LEKR1: variants seen among roughly 807,000 people sequenced by gnomAD.
The protein encoded by LEKR1 is leucine, glutamate and lysine rich 1, also known as protein LEKR1.
In LEKR1, 59 loss-of-function variants were observed where a neutral mutation model predicts 72.4. The ratio of observed to expected loss-of-function variants is 0.82; its 90% confidence interval spans 0.66 to 1.01. The LOEUF (loss-of-function observed/expected upper bound fraction) is 1.01, where lower values mean the gene tolerates loss of function less well. Among genes scored for constraint, LEKR1 ranks in the 50% least tolerant of loss-of-function variants. LEKR1 has a pLI of 0.00. For synonymous variants in LEKR1, 257 were observed against 263.2 expected, an observed-to-expected ratio of 0.98 and a Z score of 0.23; for missense variants, 728 against 759.2, an observed-to-expected ratio of 0.96 and a Z score of 0.48.
intron 6 of LEKR1, among the ~76,000 whole-genome samples, chr3:156,954,617 C>T (rs1727454910): frequency 6.6e-6 from 1 of 152,012 alleles, no homozygotes; most frequent in African/African-American, 2.4e-5. Context: ...AATAGGGAAT[C>T]CTTTCCCCAT....
chr3:156,999,100 G>A lies in LEKR1; in HGVS notation c.1109+5823G>A, dbSNP rs1445006729. Among the ~76,000 whole-genome samples the A allele has an allele frequency of 2.0e-5, 3 of 152,094 alleles. No individual in the cohort carries two copies. In the East Asian group the frequency reaches 5.8e-4, roughly 29 times the overall value. On this transcript the variant is annotated intron_variant, in intron 9 of 12. Coordinates refer to ENST00000356539, the MANE Select transcript of LEKR1 (RefSeq NM_001004316.3). ...TCCATCCTGCCGCCCTGTGAAGAAG[G>A]TGTCTGCTTCTCCTTTGCCTTACTC...
intron 3 of LEKR1, among the ~76,000 whole-genome samples, chr3:156,912,197 A>C (rs1723181164): frequency 6.6e-6 from 1 of 152,146 alleles, no homozygotes. Context: ...ACATAAATAA[A>C]TTGTATAATA....
rs116075910 is a variant in LEKR1, at chr3:157,021,627, A to G, written c.1204-3133A>G. Among the ~76,000 whole-genome samples the G allele has an allele frequency of 4.3e-3, 660 of 152,306 alleles. 2 individuals carry two copies. The highest frequency in any genetic ancestry group is 0.015 in the African/African-American group (636 of 41,582). ...ATATTCTCACTGTCTTAATTTGAGC[A>G]ATCAATCCGTATTTGGAAAGATGTC... On this transcript the variant is annotated intron_variant, in intron 10 of 12. Transcript: ENST00000356539.
rs80353633 is a variant in LEKR1, at chr3:157,039,995, T to G, written c.1669-5345T>G. On this transcript the variant is annotated intron_variant, in intron 12 of 12. Coordinates refer to ENST00000356539, the MANE Select transcript of LEKR1 (RefSeq NM_001004316.3). ...ACATGGGGAGGATCAAGAAAGCTTT[T>G]AGGGACAGGGACTATACCTAGGCTT... Among the ~76,000 whole-genome samples the G allele has an allele frequency of 4.2e-3, 645 of 152,258 alleles. 2 individuals are homozygous for G. Among genetic ancestry groups the G allele is most frequent in the African/African-American group, 0.015 (620 of 41,538 alleles).
chr3:156,869,273 A>G (rs1717645799), intron 3 of LEKR1, among the ~76,000 whole-genome samples: 1 of 152,106 alleles, frequency 6.6e-6, no homozygotes, highest in South Asian at 2.1e-4. Flanking sequence ...AGAAATCTCC[A>G]TACTGTTTTC....
intron 3 of LEKR1, among the ~76,000 whole-genome samples, chr3:156,919,048 A>G (rs924063690): frequency 6.6e-6 from 1 of 152,190 alleles, no homozygotes; most frequent in African/African-American, 2.4e-5. Context: ...AGTTCCCAAG[A>G]TAGCAGGTTG....
chr3:157,031,628 A>G (rs1364625140), intron 12 of LEKR1, among the ~76,000 whole-genome samples: 1 of 152,166 alleles, frequency 6.6e-6, no homozygotes, highest in African/African-American at 2.4e-5. Context: ...TAAAGTGAAA[A>G]GCACCACTTT....
At chr3:156,980,919 T>C (rs1264856000) in intron 7 of LEKR1, among the ~76,000 whole-genome samples, 1 of 152,242 alleles carries the variant, frequency 6.6e-6, no homozygotes, top group Non-Finnish European at 1.5e-5. Context: ...TGTATATTCA[T>C]GTTCTGCATA....
intron 10 of LEKR1, among the ~76,000 whole-genome samples, chr3:157,017,010 G>C (rs1600978): frequency 0.51 from 77,394 of 151,998 alleles, 22,710 homozygotes; most frequent in South Asian, 0.79. Flanking sequence ...AACATAGCAA[G>C]ATAGTAGATT....
chr3:156,954,012 A>G (rs1167942052), intron 6 of LEKR1, among the ~76,000 whole-genome samples: 2 of 151,766 alleles, frequency 1.3e-5, no homozygotes, highest in South Asian at 2.1e-4. Context: ...TTTTCTCACA[A>G]CCTTGCCAGC....
At position 157,045,822 on chromosome 3, in the gene LEKR1, CTG is replaced by C. The variant is rs1735718602; in HGVS notation, c.*73_*74del. The C allele has an allele frequency of 7.9e-7, 1 of 1,264,438 alleles. No individual in the cohort carries two copies. The highest frequency in any genetic ancestry group is 2.3e-5 in the East Asian group (1 of 42,728). The allele number at this position is 1,264,438 out of a possible 1,614,324, so 78.3% of individuals were successfully genotyped here. Reference sequence around the variant, plus strand: ...AGAGAGTGCCAGGAATTCACTGTAACTGAGAATGACAATGATAAAATTATTTT... The same window carrying C: ...AGAGAGTGCCAGGAATTCACTGTAACAGAATGACAATGATAAAATTATTTT... On this transcript the variant is annotated 3_prime_UTR_variant, in exon 13 of 13. Coordinates refer to ENST00000356539, the MANE Select transcript of LEKR1 (RefSeq NM_001004316.3).
rs1332248295 is a variant in LEKR1 at position 156,927,583 on chromosome 3, A to G, written c.538A>G (p.Ile180Val). 4.9e-6 allele frequency: 6 copies of G among 1,234,496 alleles called. No homozygotes were observed. The highest frequency in any genetic ancestry group is 4.3e-5 in the South Asian group (3 of 69,536). The allele number at this position is 1,234,496 out of a possible 1,614,324, so 76.5% of individuals were successfully genotyped here. Residue 180 changes from isoleucine to valine, a missense_variant, in exon 5 of 13, where the codon ATA becomes GTA. By Grantham distance (29) the Ile-to-Val change is conservative. Transcript: ENST00000356539. Reference protein sequence around the residue: ...KGAVFLQIKSISETALTEIDI... With the variant: ...KGAVFLQIKSVSETALTEIDI... ...AGCAGTTTTTCTACAAATTAAATCT[A>G]TAAGTGAAACAGCCTTGACAGGTTT...
chr3:156,917,518 C>T (rs1473592978), intron 3 of LEKR1, among the ~76,000 whole-genome samples: 1 of 151,940 alleles, frequency 6.6e-6, no homozygotes, highest in Non-Finnish European at 1.5e-5. Flanking sequence ...GGTGGGGGGC[C>T]CACCATATAT....
At chr3:157,007,929 A>G (rs1732589737) in intron 9 of LEKR1, among the ~76,000 whole-genome samples, 1 of 152,220 alleles carries the variant, frequency 6.6e-6, no homozygotes, top group Admixed American at 6.5e-5. Context: ...TGAACTGGAG[A>G]TAAAATTTAA....
intron 3 of LEKR1, among the ~76,000 whole-genome samples, chr3:156,906,453 G>A (rs1253606665): frequency 1.3e-5 from 2 of 152,122 alleles, no homozygotes; most frequent in Non-Finnish European, 2.9e-5. Context: ...ACTAGAACAT[G>A]CTGTTAGTAC....
intron 6 of LEKR1, among the ~76,000 whole-genome samples, chr3:156,968,738 C>A (rs1728866580): frequency 6.6e-6 from 1 of 152,092 alleles, no homozygotes; most frequent in African/African-American, 2.4e-5. Flanking sequence ...ACAAGGATAT[C>A]CAGGAATTGA....
At chr3:156,927,798 T>G (rs1724860693) in intron 5 of LEKR1, among the ~76,000 whole-genome samples, 194 bp downstream of exon 5, 1 of 151,966 alleles carries the variant, frequency 6.6e-6, no homozygotes, top group Admixed American at 6.6e-5. Context: ...AGATAATCTA[T>G]GATACATCTA....
chr3:156,950,199 C>T (rs1489914056), intron 6 of LEKR1, among the ~76,000 whole-genome samples: 2 of 150,910 alleles, frequency 1.3e-5, no homozygotes, highest in Admixed American at 6.6e-5. Flanking sequence ...TTTGTAGTTA[C>T]TGCCCCTTTT....
intron 6 of LEKR1, among the ~76,000 whole-genome samples, chr3:156,971,104 A>G (rs540195926): frequency 1.3e-5 from 2 of 152,374 alleles, no homozygotes; most frequent in South Asian, 4.1e-4. Flanking sequence ...ACAAGGCTAC[A>G]GTAAACAAAA....
Sources: allele counts gnomAD v4.1 joint callset (sites outside exome capture counted in the v4.1 genomes callset), GRCh38; gene constraint gnomAD v4.1.1; transcripts MANE v1.5; gene names NCBI Gene and HGNC (gene_info 2026-07-23, HGNC 2026-07-21).